NRXN1: variants seen among roughly 807,000 people sequenced by gnomAD.
The protein encoded by NRXN1 is neurexin 1.
In NRXN1, 39 loss-of-function variants were observed where a neutral mutation model predicts 150.9. The observed-to-expected ratio is 0.26, with a 90% confidence interval of 0.20 to 0.34. NRXN1 has a LOEUF of 0.34. NRXN1 is among the 10% of genes least tolerant of loss of function. The probability of loss-of-function intolerance (pLI) is 1.00; values close to 1 mark genes in which losing one functional copy is unlikely to be tolerated. For synonymous variants in NRXN1, 924 were observed against 757.0 expected (o/e 1.22, Z -3.62); for missense variants, 1,815 against 1,949.9 (o/e 0.93, Z 1.30).
chr2:50,291,162 G>A (rs1388910773), intron 17 of NRXN1, among the ~76,000 whole-genome samples: 1 of 150,286 alleles, frequency 6.7e-6, no homozygotes, highest in Non-Finnish European at 1.5e-5. Context: ...CTGAATTAAG[G>A]GGAAAAATCT....
chr2:51,008,000 A>C (rs1462893942), intron 2 of NRXN1, among the ~76,000 whole-genome samples: 2 of 151,928 alleles, frequency 1.3e-5, no homozygotes, highest in Non-Finnish European at 2.9e-5. Context: ...TAATCAAATA[A>C]AGAAAATAAT....
intron 17 of NRXN1, among the ~76,000 whole-genome samples, chr2:50,414,533 C>T (rs1322950501): frequency 1.3e-5 from 2 of 151,584 alleles, no homozygotes; most frequent in African/African-American, 4.8e-5. Flanking sequence ...AAAAAACAAA[C>T]AAGATATAAA....
At chr2:50,837,102 A>G (rs1401422033) in intron 5 of NRXN1, among the ~76,000 whole-genome samples, 2 of 152,148 alleles carry the variant, frequency 1.3e-5, no homozygotes, top group East Asian at 3.9e-4. Context: ...TTAACACCGT[A>G]TCTCCAGAGA....
rs1463991170 is a variant in NRXN1, at chr2:50,981,355, G to C, written c.772+46147C>G. On this transcript the variant is annotated intron_variant, in intron 2 of 22. Coordinates refer to ENST00000401669, the MANE Select transcript of NRXN1 (RefSeq NM_001330078.2). ...CACCTGTAATCCTGGCTACTCAGGA[G>C]GCTGAGGCAGGAGAGTTACTTGAAC... Among the ~76,000 whole-genome samples the C allele has an allele frequency of 1.5e-4, 22 of 149,898 alleles. No homozygotes were observed. The East Asian group carries it at 4.5e-3, about 30-fold the overall frequency.
chr2:50,366,391 C>T (rs1220023917), intron 17 of NRXN1, among the ~76,000 whole-genome samples: 2 of 151,410 alleles, frequency 1.3e-5, no homozygotes, highest in Non-Finnish European at 2.9e-5. Context: ...TTGGAGTAGC[C>T]CTGTCCTTGG....
chr2:50,591,870 C>T (rs1674326474), intron 8 of NRXN1, among the ~76,000 whole-genome samples: 1 of 152,206 alleles, frequency 6.6e-6, no homozygotes, highest in Admixed American at 6.5e-5. Flanking sequence ...GGCTATTAAG[C>T]TACATTCCCA....
chr2:50,075,436 C>T (rs1237997253), intron 19 of NRXN1, among the ~76,000 whole-genome samples: 1 of 152,046 alleles, frequency 6.6e-6, no homozygotes, highest in Non-Finnish European at 1.5e-5. Context: ...TAATGTCAGC[C>T]CAAGAATAAA....
chr2:49,928,067 A>G (rs1669429549), intron 22 of NRXN1, among the ~76,000 whole-genome samples: 1 of 152,084 alleles, frequency 6.6e-6, no homozygotes, highest in Non-Finnish European at 1.5e-5. Flanking sequence ...GAGCTTTGAG[A>G]AAAAGATTGT....
Position 50,454,740 on chromosome 2 carries a change from A to C in NRXN1, c.3364+10702T>G, listed in dbSNP as rs115777953. Among the ~76,000 whole-genome samples, 498 of 151,744 alleles carry C rather than the reference A, an allele frequency of 3.3e-3. 2 individuals carry two copies. The highest frequency in any genetic ancestry group is 0.011 in the African/African-American group (469 of 41,364). On this transcript the variant is annotated intron_variant, in intron 17 of 22. Transcript: ENST00000401669. ...GGATCCTCCAAGACACCAATCTTCA[A>C]ATATTACTGAGCATTTAATAAGTGT...
In NRXN1 at chr2:50,538,429, A is replaced by G. The variant is rs1192752829; in HGVS notation, c.1967T>C (p.Ile656Thr). The G allele has an allele frequency of 5.0e-6, 8 of 1,613,850 alleles. No homozygotes were observed. In the Admixed American group the frequency reaches 1.3e-4, roughly 27 times the overall value. Residue 656 changes from isoleucine to threonine, a missense_variant, in exon 10 of 23, where the codon ATC becomes ACC. Ile to Thr is a moderately conservative substitution (Grantham distance 89). Transcript: ENST00000401669. ...ACTTTGAACTTCAGCCATTTGCCGG[A>G]TATCTTTGCTTTGGCCATCGATGAA... ...DLFIDGQSKD[I>T]RQMAEVQSTA...
intron 17 of NRXN1, among the ~76,000 whole-genome samples, chr2:50,373,625 G>GA (rs1162774001): frequency 6.4e-5 from 6 of 93,640 alleles, no homozygotes; most frequent in African/African-American, 2.3e-4. Context: ...GAGAGAGAAA[G>GA]AAAAGAAAGA....
chr2:50,837,613 A>G (rs1003221686), intron 5 of NRXN1, among the ~76,000 whole-genome samples: 5 of 152,120 alleles, frequency 3.3e-5, no homozygotes, highest in African/African-American at 1.2e-4. Context: ...AAATTAAATC[A>G]ATATTATTTC....
At chr2:50,120,794 T>G (rs565389192) in intron 18 of NRXN1, among the ~76,000 whole-genome samples, 5 of 152,302 alleles carry the variant, frequency 3.3e-5, no homozygotes, top group African/African-American at 1.2e-4. Flanking sequence ...CTCTCACTTA[T>G]TCTGTCCTTA....
intron 18 of NRXN1, among the ~76,000 whole-genome samples, chr2:50,144,158 C>T (rs973263764): frequency 3.3e-5 from 5 of 151,842 alleles, no homozygotes; most frequent in African/African-American, 4.8e-5. Context: ...GAGGCTCAGC[C>T]CAGGAGACAG....
intron 22 of NRXN1, among the ~76,000 whole-genome samples, chr2:49,938,921 T>C (rs916758340): frequency 1.3e-5 from 2 of 152,194 alleles, no homozygotes; most frequent in African/African-American, 4.8e-5. Flanking sequence ...GATACTGACA[T>C]GATTAAAGAC....
At chr2:50,772,857 T>C (rs769982260) in intron 5 of NRXN1, among the ~76,000 whole-genome samples, 5 of 152,078 alleles carry the variant, frequency 3.3e-5, no homozygotes, top group Non-Finnish European at 7.4e-5. Flanking sequence ...TTAATGTTTA[T>C]GGGCTGTAGA....
chr2:50,400,194 A>T (rs2082307719), intron 17 of NRXN1, among the ~76,000 whole-genome samples: 1 of 152,154 alleles, frequency 6.6e-6, no homozygotes, highest in Non-Finnish European at 1.5e-5. Flanking sequence ...TAGGAAAAAA[A>T]ATCACAAATG....
intron 21 of NRXN1, among the ~76,000 whole-genome samples, chr2:49,998,461 T>C (rs1683360538): frequency 1.3e-5 from 2 of 152,248 alleles, no homozygotes; most frequent in South Asian, 2.1e-4. Flanking sequence ...GCTTTTTATA[T>C]TTTTTTAGAA....
chr2:50,225,310 G>C (rs960827220), intron 18 of NRXN1, among the ~76,000 whole-genome samples: 1 of 151,924 alleles, frequency 6.6e-6, no homozygotes, highest in African/African-American at 2.4e-5. Flanking sequence ...CATTCACTCA[G>C]GTATGCATTG....
Sources: gnomAD v4.1 joint callset for allele counts (sites outside exome capture counted in the v4.1 genomes callset) on GRCh38, gnomAD v4.1.1 for gene constraint, MANE v1.5 for transcripts, NCBI Gene and HGNC (gene_info 2026-07-23, HGNC 2026-07-21) for gene names.